Variants in ZFR2 observed in about 807,000 individuals in gnomAD.
ZFR2 encodes the protein zinc finger RNA binding protein 2.
Under a neutral mutation model 105.7 loss-of-function variants are expected in ZFR2, and 104 were observed. That is an observed-to-expected ratio of 0.98 (90% CI 0.84 to 1.16). The LOEUF is 1.16. Ranked by LOEUF, ZFR2 falls within the 50% of genes most tolerant of loss-of-function variation. The pLI, the probability that ZFR2 is intolerant of heterozygous loss-of-function variation, is 0.00. For missense variants in ZFR2, 1,425 were observed against 1,355.5 expected (o/e 1.05, Z -0.80); for synonymous variants, 634 against 597.7 (o/e 1.06, Z -0.89).
chr19:3,824,323 G>A (rs528878197), intron 7 of ZFR2, among the ~76,000 whole-genome samples: 104 of 152,182 alleles, frequency 6.8e-4, no homozygotes, highest in African/African-American at 2.3e-3. Context: ...AACAAACCAC[G>A]AAAAAAGAGT....
intron 1 of ZFR2, among the ~76,000 whole-genome samples, chr19:3,867,287 C>T (rs974899414): frequency 3.5e-5 from 4 of 114,752 alleles, no homozygotes; most frequent in Non-Finnish European, 5.2e-5. Context: ...GGGTGACACG[C>T]GGAAATGATC....
chr19:3,821,974 G>A (rs2037899103), intron 9 of ZFR2, 107 bp downstream of exon 9: 6 of 1,443,032 alleles, frequency 4.2e-6, no homozygotes, highest in Non-Finnish European at 5.5e-6. Context: ...TCCCTCTTAA[G>A]TTCGTCGGAT....
chr19:3,819,576 G>A (rs1255979835), intron 11 of ZFR2, among the ~76,000 whole-genome samples: 5 of 152,184 alleles, frequency 3.3e-5, no homozygotes, highest in African/African-American at 9.7e-5. Context: ...CATTGAGGCC[G>A]GGCGCGGTGG....
At position 3,831,337 on chromosome 19, in the gene ZFR2, C is replaced by T. The variant is rs773650143; in HGVS notation, c.818G>A (p.Cys273Tyr). ...AGPRQLQLHY[C>Y]DICKISCAGP... ...AGCGCAGCTGATCTTGCAGATGTCG[C>T]AGTAGTGAAGCTGGAGCTGCCTGGG... The change falls in exon 5 of 19, where the codon TGC (cysteine) becomes TAC (tyrosine). Residue 273 changes from cysteine (C) to tyrosine (Y), a missense_variant. Coordinates refer to ENST00000262961, the MANE Select transcript of ZFR2 (RefSeq NM_015174.2). 9.6e-5 allele frequency: 150 copies of T among 1,557,272 alleles called. No homozygotes were observed. The Middle Eastern group carries it at 1.3e-3, about 14-fold the overall frequency.
intron 1 of ZFR2, among the ~76,000 whole-genome samples, chr19:3,841,719 C>T (rs1013686413): frequency 2.0e-5 from 3 of 151,726 alleles, no homozygotes; most frequent in East Asian, 2.0e-4. Context: ...GCGGGAGGAT[C>T]GCTTGAGCCC....
chr19:3,821,267 G>A, intron 10 of ZFR2, 73 bp downstream of exon 10: 1 of 1,430,738 alleles, frequency 7.0e-7, no homozygotes, highest in Non-Finnish European at 9.2e-7. Flanking sequence ...ATCTGCAGCA[G>A]TGGGCGTCTA....
intron 7 of ZFR2, 107 bp downstream of exon 7, chr19:3,825,123 C>T (rs1053838068): frequency 1.4e-5 from 18 of 1,324,628 alleles, no homozygotes; most frequent in East Asian, 8.9e-5. Flanking sequence ...CACCACCCCC[C>T]GGGAAGACAT....
At chr19:3,846,769 T>C (rs2038188386) in intron 1 of ZFR2, among the ~76,000 whole-genome samples, 1 of 152,246 alleles carries the variant, frequency 6.6e-6, no homozygotes, top group South Asian at 2.1e-4. Flanking sequence ...AAGCAGAATA[T>C]ACTTCTACAG....
chr19:3,862,754 C>T (rs1035986424), intron 1 of ZFR2, among the ~76,000 whole-genome samples: 20 of 152,230 alleles, frequency 1.3e-4, no homozygotes, highest in Non-Finnish European at 2.4e-4. Flanking sequence ...CACGTGCAGC[C>T]GGCAGCTGCC....
Position 3,813,680 on chromosome 19 carries a change from G to C in ZFR2, c.2242+140C>G. 1 of 1,244,228 alleles carries C rather than the reference G, an allele frequency of 8.0e-7. No homozygotes were observed. Among genetic ancestry groups the C allele is most frequent in the Non-Finnish European group, 1.1e-6 (1 of 902,326 alleles). The allele number at this position is 1,244,228 out of a possible 1,614,324, so 77.1% of individuals were successfully genotyped here. A position where few individuals can be genotyped will look rare whatever the true frequency, so the allele number is the denominator to read the frequency against. Reference sequence around the variant, plus strand: ...CTTGTGTGACCCATGGAATCCTCAGGGGGACAGCAGTGCTGGAGCGTGGCT... The same window carrying C: ...CTTGTGTGACCCATGGAATCCTCAGCGGGACAGCAGTGCTGGAGCGTGGCT... On this transcript the variant is annotated intron_variant, in intron 14 of 18. Transcript: ENST00000262961. This position sits in a 1 kb window ranked among gnomAD's most constrained non-coding sequence, Gnocchi z 4.4.
chr19:3,818,176 A>C (rs866081644), intron 12 of ZFR2, among the ~76,000 whole-genome samples: 1 of 152,268 alleles, frequency 6.6e-6, no homozygotes, highest in Non-Finnish European at 1.5e-5. Flanking sequence ...TTTTACCACA[A>C]TAGAGAAGCA....
intron 13 of ZFR2, among the ~76,000 whole-genome samples, chr19:3,816,036 T>A (rs1205607024): frequency 6.6e-6 from 1 of 151,938 alleles, no homozygotes; most frequent in African/African-American, 2.4e-5. Context: ...ATTACAGGTG[T>A]GAGCCACCCC....
intron 3 of ZFR2, 133 bp downstream of exon 3, chr19:3,833,531 G>A (rs1055781986): frequency 5.3e-5 from 35 of 657,092 alleles, no homozygotes; most frequent in Admixed American, 8.4e-5. Context: ...AGCCGAGATC[G>A]CACCACTGCA....
At position 3,813,886 on chromosome 19, in the gene ZFR2, G is replaced by A. The variant is rs374325537; in HGVS notation, c.2176C>T (p.Pro726Ser). The stretch of plus-strand genomic sequence containing the variant: ...ACAGATATGGTGACCTGCATCCTGG[G>A]CTCCTCACAGGAGGAGATGACAATG... ...ANIVISSCEE[P>S]RMQVTISVTS... Residue 726 changes from proline (P) to serine (S), a missense_variant, in exon 14 of 19, where the codon CCC becomes TCC. Transcript: ENST00000262961. This position sits in a 1 kb window ranked among gnomAD's most constrained non-coding sequence, Gnocchi z 4.4. The A allele has an allele frequency of 2.7e-5, 43 of 1,613,832 alleles. No individual in the cohort carries two copies. The highest frequency in any genetic ancestry group is 3.3e-4 in the Middle Eastern group (2 of 6,084).
intron 17 of ZFR2, among the ~76,000 whole-genome samples, 169 bp downstream of exon 17, chr19:3,808,703 G>A (rs144553018): frequency 1.1e-4 from 17 of 152,342 alleles, no homozygotes; most frequent in Non-Finnish European, 2.1e-4. Flanking sequence ...CCATGACCGC[G>A]GCCCTGTCTG....
Position 3,831,330 on chromosome 19 carries a change from G to A in ZFR2, c.825C>T (p.Ile275=), listed in dbSNP as rs2038012183. The change falls in exon 5 of 19, where the codon ATC becomes ATT. Residue 275 remains isoleucine (I), a synonymous_variant. Coordinates refer to ENST00000262961, the MANE Select transcript of ZFR2 (RefSeq NM_015174.2). The part of the protein sequence containing the change: ...PRQLQLHYCD[I]CKISCAGPQT... Reference sequence around the variant, plus strand: ...GGGGGCCAGCGCAGCTGATCTTGCAGATGTCGCAGTAGTGAAGCTGGAGCT... The same window carrying A: ...GGGGGCCAGCGCAGCTGATCTTGCAAATGTCGCAGTAGTGAAGCTGGAGCT... The A allele has an allele frequency of 1.3e-6, 2 of 1,553,924 alleles. No individual in the cohort carries two copies. The highest frequency in any genetic ancestry group is 2.7e-5 in the African/African-American group (2 of 73,558).
At chr19:3,855,574 A>C in intron 1 of ZFR2, 1 of 647,404 alleles carries the variant, frequency 1.5e-6, no homozygotes, top group African/African-American at 1.9e-5. Context: ...GCGATAGTCC[A>C]GGGAGACACG....
At chr19:3,839,977 T>G (rs958563744) in intron 1 of ZFR2, among the ~76,000 whole-genome samples, 1 of 151,928 alleles carries the variant, frequency 6.6e-6, no homozygotes, top group East Asian at 1.9e-4. Flanking sequence ...TACAACACGG[T>G]GTTGTGTTTT....
At chr19:3,868,478 A>C (rs1194709982) in intron 1 of ZFR2, among the ~76,000 whole-genome samples, 1 of 150,616 alleles carries the variant, frequency 6.6e-6, no homozygotes, top group Non-Finnish European at 1.5e-5. Context: ...ATCAGGGGTC[A>C]GCTCCCCTCT....
Sources: allele counts gnomAD v4.1 joint callset (sites outside exome capture counted in the v4.1 genomes callset), GRCh38; gene constraint gnomAD v4.1.1; non-coding constraint Gnocchi (gnomAD v3.1); transcripts MANE v1.5; gene names NCBI Gene and HGNC (gene_info 2026-07-23, HGNC 2026-07-21).